Variants in BCL2 observed in about 807,000 individuals in gnomAD.
The protein encoded by BCL2 is BCL2 apoptosis regulator, also known as apoptosis regulator Bcl-2.
In BCL2, 1 loss-of-function variant was observed where a neutral mutation model predicts 14.2. The observed-to-expected ratio is 0.07, with a 90% CI of 0.02 to 0.33. BCL2 has a LOEUF of 0.33. Ranked by LOEUF, BCL2 falls within the 10% of genes least tolerant of loss-of-function variation. The pLI is 0.99. For missense variants in BCL2, 247 were observed against 305.9 expected, an observed-to-expected ratio of 0.81 and a Z score of 1.44; for synonymous variants, 151 against 137.2, an observed-to-expected ratio of 1.10 and a Z score of -0.70.
chr18:63,284,799 G>T (rs1450245628), intron 2 of BCL2, among the ~76,000 whole-genome samples: 2 of 150,552 alleles, frequency 1.3e-5, no homozygotes, highest in African/African-American at 4.8e-5. Flanking sequence ...GGGGTGGGGG[G>T]TTTGGACGGA....
chr18:63,145,143 A>G (rs748141209), intron 2 of BCL2, among the ~76,000 whole-genome samples: 14 of 152,242 alleles, frequency 9.2e-5, no homozygotes, highest in East Asian at 1.9e-4. Flanking sequence ...AGTCACAAAA[A>G]CAAATCCAAC....
rs141623603 is a variant in BCL2, at chr18:63,278,048, A to G, written c.585+40034T>C. 5.3e-5 allele frequency among the ~76,000 whole-genome samples: 8 copies of G among 152,312 alleles called. 1 individual carries two copies. Among genetic ancestry groups the G allele is most frequent in the Middle Eastern group, 6.8e-3 (2 of 294 alleles). On this transcript the variant is annotated intron_variant, in intron 2 of 2. Transcript: ENST00000333681. ...CAAAAACAAAAGCAGCTATTTTAAG[A>G]TCACTAAACACTGGCTGGTGATGGC...
chr18:63,194,595 A>G (rs1909391585), intron 2 of BCL2, among the ~76,000 whole-genome samples: 1 of 152,188 alleles, frequency 6.6e-6, no homozygotes, highest in South Asian at 2.1e-4. Context: ...TGTAGCATAG[A>G]GATTGAGGTT....
At chr18:63,231,547 T>C (rs1274612428) in intron 2 of BCL2, among the ~76,000 whole-genome samples, 1 of 151,840 alleles carries the variant, frequency 6.6e-6, no homozygotes, top group East Asian at 1.9e-4. Context: ...ATGGCATCAG[T>C]AACAACCAAT....
At chr18:63,222,730 A>G (rs1910434000) in intron 2 of BCL2, among the ~76,000 whole-genome samples, 2 of 152,204 alleles carry the variant, frequency 1.3e-5, no homozygotes, top group South Asian at 4.1e-4. Flanking sequence ...CACTGTATCT[A>G]ATATGGCTTT....
At chr18:63,252,969 T>C (rs1911358098) in intron 2 of BCL2, among the ~76,000 whole-genome samples, 1 of 152,136 alleles carries the variant, frequency 6.6e-6, no homozygotes, top group Non-Finnish European at 1.5e-5. Context: ...ATCTGCTATT[T>C]CCCGATTTTT....
chr18:63,130,564 T>C (rs776975557), intron 2 of BCL2, among the ~76,000 whole-genome samples: 3 of 152,228 alleles, frequency 2.0e-5, no homozygotes, highest in South Asian at 2.1e-4. Flanking sequence ...TCCTTCTATA[T>C]GTAACAGCCT....
At chr18:63,145,363 T>A (rs1568215226) in intron 2 of BCL2, among the ~76,000 whole-genome samples, 1 of 124,326 alleles carries the variant, frequency 8.0e-6, no homozygotes, top group Non-Finnish European at 1.6e-5. Context: ...GGGGCTTCCC[T>A]GGCCACTCGC....
At chr18:63,287,106 A>T (rs1489390021) in intron 2 of BCL2, among the ~76,000 whole-genome samples, 1 of 151,928 alleles carries the variant, frequency 6.6e-6, no homozygotes, top group East Asian at 1.9e-4. Flanking sequence ...CCCTTCTTGG[A>T]TCCCTTTTCT....
chr18:63,228,422 A>C (rs1373233991), intron 2 of BCL2, among the ~76,000 whole-genome samples: 1 of 152,184 alleles, frequency 6.6e-6, no homozygotes, highest in Non-Finnish European at 1.5e-5. Flanking sequence ...GCATAACTTT[A>C]TACCCCCCAG....
At chr18:63,298,587 GAGA>G (rs1014743214) in intron 2 of BCL2, among the ~76,000 whole-genome samples, 7 of 152,190 alleles carry the variant, frequency 4.6e-5, no homozygotes, top group African/African-American at 1.7e-4. Flanking sequence ...TTACACAACA[GAGA>G]AGGACAAAGG....
At chr18:63,169,806 A>G (rs2144629623) in intron 2 of BCL2, among the ~76,000 whole-genome samples, 1 of 152,196 alleles carries the variant, frequency 6.6e-6, no homozygotes, top group African/African-American at 2.4e-5. Flanking sequence ...TACAGGTGTG[A>G]GCCACCGTGC....
chr18:63,170,740 G>A (rs1025540497), intron 2 of BCL2, among the ~76,000 whole-genome samples: 3 of 152,220 alleles, frequency 2.0e-5, no homozygotes, highest in African/African-American at 7.2e-5. Context: ...TCATTCAGTC[G>A]TACTTCTATT....
chr18:63,206,271 C>T (rs531105733), intron 2 of BCL2, among the ~76,000 whole-genome samples: 2 of 152,290 alleles, frequency 1.3e-5, no homozygotes, highest in East Asian at 1.9e-4. Flanking sequence ...CGATAAGCAC[C>T]GTGGCCAATA....
chr18:63,236,446 C>A (rs1910832147), intron 2 of BCL2, among the ~76,000 whole-genome samples: 1 of 152,168 alleles, frequency 6.6e-6, no homozygotes, highest in African/African-American at 2.4e-5. Context: ...AATGTCAACG[C>A]CCTACCCTTG....
intron 2 of BCL2, among the ~76,000 whole-genome samples, chr18:63,291,456 T>C (rs556158169): frequency 6.6e-6 from 1 of 152,348 alleles, no homozygotes; most frequent in South Asian, 2.1e-4. Flanking sequence ...CCTTCAGATA[T>C]GCCTGATGCC....
chr18:63,153,735 G>A (rs896002996), intron 2 of BCL2, among the ~76,000 whole-genome samples: 7 of 152,094 alleles, frequency 4.6e-5, no homozygotes, highest in Non-Finnish European at 8.8e-5. Flanking sequence ...CAAGAACATC[G>A]GACCTTGTAC....
chr18:63,206,953 G>A (rs776059454), intron 2 of BCL2, among the ~76,000 whole-genome samples: 1 of 152,188 alleles, frequency 6.6e-6, no homozygotes, highest in Non-Finnish European at 1.5e-5. Context: ...TCCAGATGTG[G>A]GGGTCTGGGG....
intron 2 of BCL2, among the ~76,000 whole-genome samples, chr18:63,277,718 T>C (rs1912196950): frequency 6.6e-6 from 1 of 152,128 alleles, no homozygotes. Flanking sequence ...ATAACCACTG[T>C]TGCAAAATGG....
Sources: gnomAD v4.1 joint callset for allele counts (sites outside exome capture counted in the v4.1 genomes callset) on GRCh38, gnomAD v4.1.1 for gene constraint, MANE v1.5 for transcripts, NCBI Gene and HGNC (gene_info 2026-07-23, HGNC 2026-07-21) for gene names.